DPYD: variants seen among roughly 807,000 people sequenced by gnomAD.
The protein encoded by DPYD is dihydropyrimidine dehydrogenase, also known as dihydropyrimidine dehydrogenase [NADP(+)].
In DPYD, 109 loss-of-function variants were observed where a neutral mutation model predicts 116.2. The ratio of observed to expected loss-of-function variants is 0.94; its 90% CI spans 0.80 to 1.10. The LOEUF is 1.10. Among genes scored for constraint, DPYD ranks in the 50% least tolerant of loss-of-function variants. The probability of loss-of-function intolerance (pLI) is 0.00; values close to 1 mark genes in which losing one functional copy is unlikely to be tolerated. For missense variants in DPYD, 1,302 were observed against 1,254.5 expected (o/e 1.04, Z -0.57); for synonymous variants, 440 against 432.0 (o/e 1.02, Z -0.23).
At position 97,699,341 on chromosome 1, in the gene DPYD, T is replaced by C. The variant is rs1219466780; in HGVS notation, c.680+10A>G. The C allele has an allele frequency of 3.1e-6, 5 of 1,611,258 alleles. No homozygotes were observed. Among genetic ancestry groups the C allele is most frequent in the Non-Finnish European group, 3.4e-6 (4 of 1,177,600 alleles). ...TGACACTATAAACATGAAATAAATG[T>C]AGGCATTACCTTAAACCACCAACAT... On this transcript the variant is annotated intron_variant, in intron 6 of 22. Transcript: ENST00000370192.
intron 3 of DPYD, among the ~76,000 whole-genome samples, chr1:97,768,202 T>A (rs967648099): frequency 2.4e-4 from 37 of 152,180 alleles, no homozygotes; most frequent in Non-Finnish European, 1.5e-4. Context: ...TTGATTTTTT[T>A]AAATACTTGG....
At chr1:97,266,960 T>C (rs967328832) in intron 18 of DPYD, among the ~76,000 whole-genome samples, 2 of 152,276 alleles carry the variant, frequency 1.3e-5, no homozygotes, top group East Asian at 1.9e-4. Context: ...TCCAAGTCTT[T>C]GCTATTGTGA....
chr1:97,565,289 G>A (rs759434225), intron 11 of DPYD, among the ~76,000 whole-genome samples: 1 of 151,934 alleles, frequency 6.6e-6, no homozygotes, highest in Non-Finnish European at 1.5e-5. Context: ...TATTACAAAT[G>A]GTGCACAATC....
chr1:97,149,786 C>T (rs1233986291), intron 20 of DPYD, among the ~76,000 whole-genome samples: 1 of 152,174 alleles, frequency 6.6e-6, no homozygotes. Context: ...GATTGCATAC[C>T]CACAAAGCCA....
intron 5 of DPYD, among the ~76,000 whole-genome samples, chr1:97,721,248 G>A (rs1181300329): frequency 3.3e-5 from 5 of 151,606 alleles, no homozygotes; most frequent in Admixed American, 1.3e-4. Context: ...TTCTATTTTC[G>A]GATCATCTAA....
intron 7 of DPYD, among the ~76,000 whole-genome samples, chr1:97,679,994 T>A (rs1660349593): frequency 6.6e-6 from 1 of 152,142 alleles, no homozygotes; most frequent in Non-Finnish European, 1.5e-5. Context: ...CACTGGTTCT[T>A]CAGTAATACT....
chr1:97,231,374 G>A (rs1384289872), intron 19 of DPYD, among the ~76,000 whole-genome samples: 2 of 152,164 alleles, frequency 1.3e-5, no homozygotes, highest in Non-Finnish European at 2.9e-5. Flanking sequence ...ACCTAAGACT[G>A]GGTAATTTAT....
intron 19 of DPYD, among the ~76,000 whole-genome samples, chr1:97,220,306 C>T (rs1255171749): frequency 6.6e-6 from 1 of 152,162 alleles, no homozygotes; most frequent in Non-Finnish European, 1.5e-5. Flanking sequence ...TGATGTCCTG[C>T]CCCACCTCAG....
At chr1:97,386,031 T>A (rs1325031020) in intron 14 of DPYD, among the ~76,000 whole-genome samples, 1 of 152,102 alleles carries the variant, frequency 6.6e-6, no homozygotes, top group Non-Finnish European at 1.5e-5. Context: ...ATCATGCCAC[T>A]GAATGCTGGT....
At chr1:97,257,199 A>T (rs538447866) in intron 18 of DPYD, among the ~76,000 whole-genome samples, 6 of 152,078 alleles carry the variant, frequency 3.9e-5, no homozygotes, top group Admixed American at 2.0e-4. Flanking sequence ...TGACATAATT[A>T]AAAAAATAAT....
chr1:97,875,880 T>C (rs1389206943), intron 2 of DPYD, among the ~76,000 whole-genome samples: 2 of 152,032 alleles, frequency 1.3e-5, no homozygotes, highest in East Asian at 1.9e-4. Context: ...TTCTAATTCA[T>C]TGCAATGTTC....
intron 19 of DPYD, among the ~76,000 whole-genome samples, chr1:97,199,130 A>G (rs1294906593): frequency 2.0e-5 from 3 of 152,164 alleles, no homozygotes; most frequent in African/African-American, 7.2e-5. Flanking sequence ...ATTATCAGTA[A>G]ATTACCTATT....
At chr1:97,587,749 G>A (rs1480917354) in intron 10 of DPYD, among the ~76,000 whole-genome samples, 4 of 150,880 alleles carry the variant, frequency 2.7e-5, no homozygotes, top group Admixed American at 1.3e-4. Flanking sequence ...GCGTGAACCC[G>A]GGAGGCAGAG....
At chr1:97,536,947 T>A (rs532506993) in intron 12 of DPYD, among the ~76,000 whole-genome samples, 5 of 152,228 alleles carry the variant, frequency 3.3e-5, no homozygotes, top group Non-Finnish European at 5.9e-5. Flanking sequence ...CTGTGCAATT[T>A]AAATTTCTAA....
At chr1:97,111,423 T>C (rs1437184154) in intron 20 of DPYD, among the ~76,000 whole-genome samples, 1 of 152,084 alleles carries the variant, frequency 6.6e-6, no homozygotes, top group African/African-American at 2.4e-5. Context: ...TCCAGCCATA[T>C]TGTTCTTGCT....
chr1:97,265,726 A>T (rs1388333500), intron 18 of DPYD, among the ~76,000 whole-genome samples: 1 of 152,068 alleles, frequency 6.6e-6, no homozygotes, highest in South Asian at 2.1e-4. Flanking sequence ...TGACCTTTTA[A>T]TCTTCTTATT....
At chr1:97,422,582 G>A (rs1280202043) in intron 14 of DPYD, among the ~76,000 whole-genome samples, 1 of 152,064 alleles carries the variant, frequency 6.6e-6, no homozygotes, top group African/African-American at 2.4e-5. Flanking sequence ...GGGCTACTGG[G>A]TCACTAGTAT....
intron 18 of DPYD, among the ~76,000 whole-genome samples, chr1:97,240,721 A>C (rs554435004): frequency 3.3e-5 from 5 of 152,140 alleles, no homozygotes; most frequent in African/African-American, 1.2e-4. Flanking sequence ...CCAGAAGAAA[A>C]AAAATTAGTA....
At chr1:97,448,363 C>T (rs190826506) in intron 14 of DPYD, among the ~76,000 whole-genome samples, 17 of 152,256 alleles carry the variant, frequency 1.1e-4, no homozygotes, top group South Asian at 1.0e-3. Flanking sequence ...GGTATTTAAT[C>T]GCTGTGTGCC....
Sources: allele counts gnomAD v4.1 joint callset (sites outside exome capture counted in the v4.1 genomes callset), GRCh38; gene constraint gnomAD v4.1.1; transcripts MANE v1.5; gene names NCBI Gene and HGNC (gene_info 2026-07-23, HGNC 2026-07-21).